The following GRM4 variants were observed in gnomAD, a reference collection of about 807,000 sequenced individuals.
The protein encoded by GRM4 is glutamate metabotropic receptor 4, also known as metabotropic glutamate receptor 4.
GRM4 carries 28 observed loss-of-function variants against 81.7 expected under a neutral mutation model. The ratio of observed to expected loss-of-function variants is 0.34; its 90% CI spans 0.25 to 0.47. The LOEUF is 0.47. GRM4 is among the 20% of genes least tolerant of loss of function. GRM4 has a pLI of 1.00. For synonymous variants in GRM4, 488 were observed against 528.8 expected (o/e 0.92, Z 1.06); for missense variants, 948 against 1,290.0 (o/e 0.73, Z 4.06).
chr6:34,126,686 G>T (rs1386440897), intron 2 of GRM4, among the ~76,000 whole-genome samples: 1 of 152,226 alleles, frequency 6.6e-6, no homozygotes, highest in Non-Finnish European at 1.5e-5. Flanking sequence ...CTCGCAGAGA[G>T]CTCCCAAGAC....
chr6:34,100,997 A>G lies in GRM4; in HGVS notation c.520-8898T>C, dbSNP rs190731317. On this transcript the variant is annotated intron_variant, in intron 2 of 10. Transcript: ENST00000538487. ...CACGGAGCTTTGAGGGTTTTTTGTT[A>G]TGGCAGCATCACCTCACCTATGCTG... 1.2e-4 allele frequency among the ~76,000 whole-genome samples: 19 copies of G among 152,286 alleles called. No homozygotes were observed. The East Asian group carries it at 3.7e-3, about 29-fold the overall frequency.
rs1250262189 is a variant in GRM4, at chr6:34,131,353, A to T, written c.519+1625T>A. On this transcript the variant is annotated intron_variant, in intron 2 of 10. Transcript: ENST00000538487. The stretch of plus-strand genomic sequence containing the variant: ...AAATAAAAAACAAAACCATGTACAA[A>T]TTTTGCAGTCTTCATAATGCATCCA... 7.2e-5 allele frequency among the ~76,000 whole-genome samples: 11 copies of T among 152,310 alleles called. No homozygotes were observed. The East Asian group carries it at 1.9e-3, about 27-fold the overall frequency.
rs1200832847 is a variant in GRM4 at position 34,152,602 on chromosome 6, C to T, written c.312+2477G>A. On this transcript the variant is annotated intron_variant, in intron 1 of 8. Coordinates refer to the GRM4 transcript ENST00000374177. The surrounding 1 kb of genome is among the most constrained non-coding windows in gnomAD (Gnocchi z 4.1). ...CCCAGCAACCGACCCATCACCTAGA[C>T]CCCCCAAAGAGGACAAAGCAGTGCT... Among the ~76,000 whole-genome samples the T allele has an allele frequency of 6.7e-6, 1 of 150,282 alleles. No individual in the cohort carries two copies. The highest frequency in any genetic ancestry group is 1.5e-5 in the Non-Finnish European group (1 of 67,986).
In GRM4 at chr6:34,048,231, C is replaced by T. The variant is rs1378838514; in HGVS notation, c.1169-7483G>A. Among the ~76,000 whole-genome samples, 1 of 152,212 alleles carries T rather than the reference C, an allele frequency of 6.6e-6. No homozygotes were observed. Among genetic ancestry groups the T allele is most frequent in the African/African-American group, 2.4e-5 (1 of 41,450 alleles). ...TCTGGTGGGGCCAGCTGGAAACCCCCACTCAGCCCCTTGCTGGGCCTGGCA... is the reference window on the plus strand; with the variant it reads ...TCTGGTGGGGCCAGCTGGAAACCCCTACTCAGCCCCTTGCTGGGCCTGGCA... On this transcript the variant is annotated intron_variant, in intron 6 of 10. Coordinates refer to ENST00000538487, the MANE Select transcript of GRM4 (RefSeq NM_000841.4). The surrounding 1 kb of genome is among the most constrained non-coding windows in gnomAD (Gnocchi z 4.0).
At position 34,103,345 on chromosome 6, in the gene GRM4, G is replaced by GA. The variant is rs151201410; in HGVS notation, c.520-11247dup. On this transcript the variant is annotated intron_variant, in intron 2 of 10. Transcript: ENST00000538487. ...ATTATATGTTTTCTTAGGCACCCAG[G>GA]AAAAAAGAGGGGCCCGATAAGGCCC... 5.3e-3 allele frequency among the ~76,000 whole-genome samples: 806 copies of GA among 152,230 alleles called. 14 individuals are homozygous for GA. The highest frequency in any genetic ancestry group is 0.039 in the East Asian group (200 of 5,168).
At chr6:34,106,627 C>A (rs1182202238) in intron 2 of GRM4, among the ~76,000 whole-genome samples, 1 of 152,160 alleles carries the variant, frequency 6.6e-6, no homozygotes, top group Non-Finnish European at 1.5e-5. Context: ...CACCTCAGGG[C>A]CTTTGCACTG....
intron 6 of GRM4, among the ~76,000 whole-genome samples, chr6:34,050,596 TTTTC>T (rs1765566355): frequency 6.6e-6 from 1 of 152,236 alleles, no homozygotes; most frequent in Non-Finnish European, 1.5e-5. Flanking sequence ...AATAAGCCTC[TTTTC>T]TTTATGAATT....
intron 3 of GRM4, among the ~76,000 whole-genome samples, chr6:34,066,597 T>A (rs980472361): frequency 2.0e-5 from 3 of 151,932 alleles, no homozygotes; most frequent in Non-Finnish European, 4.4e-5. Flanking sequence ...GCCTGGCCCA[T>A]AGTAGGTGCT....
chr6:34,072,788 A>C (rs1216500914), intron 3 of GRM4, among the ~76,000 whole-genome samples: 1 of 52,614 alleles, frequency 1.9e-5, no homozygotes, highest in Non-Finnish European at 4.0e-5. Context: ...ACAGACCCAA[A>C]CACATCACCA....
intron 2 of GRM4, 65 bp downstream of exon 2, chr6:34,132,913 C>T: frequency 1.4e-6 from 2 of 1,392,848 alleles, no homozygotes; most frequent in South Asian, 1.4e-5. Flanking sequence ...GCCTGGCACC[C>T]TGAAGTGGGG....
chr6:34,124,285 ACAG>A (rs1161834267), intron 2 of GRM4, among the ~76,000 whole-genome samples: 4 of 152,068 alleles, frequency 2.6e-5, no homozygotes, highest in Non-Finnish European at 5.9e-5. Context: ...GAACACTCTT[ACAG>A]CCACAGGGCG....
In GRM4 at chr6:34,080,983, C is replaced by T. The variant is rs951824921; in HGVS notation, c.736+10900G>A. Among the ~76,000 whole-genome samples, 1 of 152,182 alleles carries T rather than the reference C, an allele frequency of 6.6e-6. No homozygotes were observed. Among genetic ancestry groups the T allele is most frequent in the Non-Finnish European group, 1.5e-5 (1 of 68,010 alleles). On this transcript the variant is annotated intron_variant, in intron 3 of 10. Coordinates refer to ENST00000538487, the MANE Select transcript of GRM4 (RefSeq NM_000841.4). This position sits in a 1 kb window ranked among gnomAD's most constrained non-coding sequence, Gnocchi z 5.4. ...CCCTGCCCCCATCCCTACCTCTTTC[C>T]TCCCTAGCCCTAGAACTGCTGGCCT...
In GRM4 at chr6:34,130,477, A is replaced by C. The variant is rs550102428; in HGVS notation, c.519+2501T>G. On this transcript the variant is annotated intron_variant, in intron 2 of 10. Transcript: ENST00000538487. The surrounding 1 kb of genome is among the most constrained non-coding windows in gnomAD (Gnocchi z 4.1). ...CACCATGCTCCTCTGTGGCCAGACA[A>C]ACAGGGGACACCATGAACCCCCAGG... 2.3e-3 allele frequency among the ~76,000 whole-genome samples: 346 copies of C among 152,206 alleles called. 2 individuals are homozygous for C. The highest frequency in any genetic ancestry group is 6.9e-3 in the African/African-American group (286 of 41,532).
intron 2 of GRM4, among the ~76,000 whole-genome samples, chr6:34,094,268 G>A (rs1181708419): frequency 6.6e-6 from 1 of 152,140 alleles, no homozygotes; most frequent in Non-Finnish European, 1.5e-5. Context: ...GATATGGCAG[G>A]GACCTTTCAC....
intron 6 of GRM4, among the ~76,000 whole-genome samples, chr6:34,044,885 G>GAC (rs1765282723): frequency 8.3e-6 from 1 of 120,014 alleles, no homozygotes; most frequent in Non-Finnish European, 1.7e-5. Flanking sequence ...CATATATACA[G>GAC]ACATACACAT....
Position 34,056,430 on chromosome 6 carries a change from TGCCACGGCCGGCC to T in GRM4, c.1168+101_1168+113del. ...CAGGTGCAGGCCCAACTGCACGTCC[TGCCACGGCCGGCC>T]GACGACAGACAAAGGGAGACTCTCG... On this transcript the variant is annotated intron_variant, in intron 6 of 10. Coordinates refer to ENST00000538487, the MANE Select transcript of GRM4 (RefSeq NM_000841.4). The T allele has an allele frequency of 3.2e-6, 3 of 945,046 alleles. No homozygotes were observed. The South Asian group carries it at 4.9e-5, about 15-fold the overall frequency. 58.5% of individuals were successfully genotyped at this position (945,046 alleles called of 1,614,324 possible).
At position 34,047,411 on chromosome 6, in the gene GRM4, C is replaced by G. The variant is rs539553657; in HGVS notation, c.1169-6663G>C. On this transcript the variant is annotated intron_variant, in intron 6 of 10. Transcript: ENST00000538487. The surrounding 1 kb of genome is among the most constrained non-coding windows in gnomAD (Gnocchi z 4.5). ...GCCACTCTGTGCTTCCTCAGACATT[C>G]AGTTCCTTCTGTCCCTCAAGTCCTG... 3.9e-4 allele frequency among the ~76,000 whole-genome samples: 59 copies of G among 152,284 alleles called. No individual in the cohort carries two copies. The highest frequency in any genetic ancestry group is 7.8e-4 in the Non-Finnish European group (53 of 68,030).
intron 1 of GRM4, among the ~76,000 whole-genome samples, chr6:34,139,377 T>G (rs1561835811): frequency 6.6e-6 from 1 of 152,020 alleles, no homozygotes; most frequent in Non-Finnish European, 1.5e-5. Flanking sequence ...TTCTTTTGCC[T>G]AATGCCAGTG....
rs758279632 is a variant in GRM4, at chr6:34,091,953, G to A, written c.666C>T (p.Ser222=). 2.5e-5 allele frequency: 41 copies of A among 1,614,120 alleles called. No individual in the cohort carries two copies. The highest frequency in any genetic ancestry group is 3.4e-5 in the Non-Finnish European group (40 of 1,179,958). The change falls in exon 3 of 11, where the codon TCC becomes TCT. Residue 222 remains serine (S), a synonymous_variant. Transcript: ENST00000538487. ...IVRALKWNYV[S]TVASEGSYGE... ...CATAGCTGCCCTCCGAGGCCACTGT[G>A]GACACATAGTTCCACTTGAGGGCAC...
Sources: allele counts gnomAD v4.1 joint callset (sites outside exome capture counted in the v4.1 genomes callset), GRCh38; gene constraint gnomAD v4.1.1; non-coding constraint Gnocchi (gnomAD v3.1); transcripts MANE v1.5; gene names NCBI Gene and HGNC (gene_info 2026-07-23, HGNC 2026-07-21).